The following SLC8A3 variants were observed in gnomAD, a reference collection of about 807,000 sequenced individuals.
The protein encoded by SLC8A3 is solute carrier family 8 member A3.
Under a neutral mutation model 65.4 loss-of-function variants are expected in SLC8A3, and 37 were observed. The ratio of observed to expected loss-of-function variants is 0.57; its 90% confidence interval spans 0.44 to 0.74. SLC8A3 has a LOEUF of 0.74. SLC8A3 is among the 30% of genes least tolerant of loss of function. SLC8A3 has a pLI of 0.00. For missense variants in SLC8A3, 1,112 were observed against 1,172.1 expected (o/e 0.95, Z 0.75); for synonymous variants, 461 against 444.5 (o/e 1.04, Z -0.47).
rs1329675077 is a variant in SLC8A3 at position 70,046,145 on chromosome 14, G to A, written c.2568C>T (p.Ala856=). The A allele has an allele frequency of 6.2e-7, 1 of 1,614,088 alleles. No individual in the cohort carries two copies. Among genetic ancestry groups the A allele is most frequent in the Non-Finnish European group, 8.5e-7 (1 of 1,180,040 alleles). The change falls in exon 7 of 7, where the codon GCC becomes GCT. Residue 856 remains alanine (A), a synonymous_variant. Coordinates refer to ENST00000356921, the MANE Select transcript of SLC8A3 (RefSeq NM_182932.3). This position sits in a 1 kb window ranked among gnomAD's most constrained non-coding sequence, Gnocchi z 4.2. The part of the protein sequence containing the change: ...QEFHVSAGTL[A]FSVTLFTIFA... ...AGATGGTGAAGAGGGTGACGGAGAA[G>A]GCCAGTGTGCCGGCCGACACGTGGA... is the stretch of plus-strand genomic sequence containing the variant.
intron 6 of SLC8A3, 181 bp downstream of exon 6, chr14:70,048,586 A>T: frequency 1.4e-6 from 1 of 693,362 alleles, no homozygotes; most frequent in Non-Finnish European, 2.6e-6. Context: ...GTGCTCAAGA[A>T]ATATTAGCTG....
Position 70,188,613 on chromosome 14 carries a change from TGGGA to T in SLC8A3, c.-301_-298del, listed in dbSNP as rs1370806159. 1.3e-5 allele frequency: 2 copies of T among 152,026 alleles called. No individual in the cohort carries two copies. The highest frequency in any genetic ancestry group is 2.9e-5 in the Non-Finnish European group (2 of 68,028). 9.4% of individuals were successfully genotyped at this position (152,026 alleles called of 1,614,324 possible). On this transcript the variant is annotated 5_prime_UTR_variant, in exon 1 of 7. Coordinates refer to ENST00000356921, the MANE Select transcript of SLC8A3 (RefSeq NM_182932.3). Reference sequence around the variant, plus strand: ...GGCAGCGCATCTGGAGCGCGGGGTCTGGGAGGGAGGGTGTCTGGGGCCAGGGCGA... The same window carrying T: ...GGCAGCGCATCTGGAGCGCGGGGTCTGGGAGGGTGTCTGGGGCCAGGGCGA...
intron 2 of SLC8A3, among the ~76,000 whole-genome samples, chr14:70,156,106 G>C (rs1276314447): frequency 6.6e-6 from 1 of 152,156 alleles, no homozygotes; most frequent in Admixed American, 6.5e-5. Context: ...CTGCGGTGGG[G>C]AGCTGGCTTG....
chr14:70,127,782 G>C (rs1894567520), intron 2 of SLC8A3, among the ~76,000 whole-genome samples: 1 of 152,154 alleles, frequency 6.6e-6, no homozygotes, highest in South Asian at 2.1e-4. Context: ...CTGATGGTTT[G>C]TGCCCAGGTC....
intron 2 of SLC8A3, among the ~76,000 whole-genome samples, chr14:70,115,013 T>A (rs1405211462): frequency 6.6e-6 from 1 of 152,090 alleles, no homozygotes; most frequent in African/African-American, 2.4e-5. Context: ...GACCAATAAT[T>A]CCCTACACAG....
rs1038963401 is a variant in SLC8A3, at chr14:70,109,301, G to GTA, written c.1785-48364_1785-48363dup. On this transcript the variant is annotated intron_variant, in intron 2 of 6. Coordinates refer to ENST00000356921, the MANE Select transcript of SLC8A3 (RefSeq NM_182932.3). ...AGGTTCTTAACCTATATATATATAT[G>GTA]TATATATATACACATTATATATATA... Among the ~76,000 whole-genome samples the GTA allele has an allele frequency of 1.2e-4, 17 of 142,760 alleles. No homozygotes were observed. In the East Asian group the frequency reaches 1.6e-3, roughly 14 times the overall value. 93.7% of individuals were successfully genotyped at this position (142,760 alleles called of 152,430 possible).
intron 2 of SLC8A3, chr14:70,063,983 A>G (rs1889120762): frequency 2.0e-6 from 2 of 997,370 alleles, no homozygotes; most frequent in Non-Finnish European, 1.6e-6. Flanking sequence ...AGGACAAGTC[A>G]GCCAGCAGAC....
intron 2 of SLC8A3, chr14:70,063,710 AG>A (rs772674383): frequency 3.0e-6 from 2 of 655,798 alleles, no homozygotes; most frequent in East Asian, 2.6e-5. Flanking sequence ...GACAAGGGAA[AG>A]GGAACCAGAG....
At chr14:70,131,224 G>GA (rs139215149) in intron 2 of SLC8A3, among the ~76,000 whole-genome samples, 16,192 of 152,270 alleles carry the variant, frequency 0.11, 1,161 homozygotes, top group Non-Finnish European at 0.16. Flanking sequence ...TTGGACTGCA[G>GA]AAGGCCAAGG....
At chr14:70,132,139 T>C (rs1894879513) in intron 2 of SLC8A3, among the ~76,000 whole-genome samples, 1 of 152,194 alleles carries the variant, frequency 6.6e-6, no homozygotes, top group African/African-American at 2.4e-5. Context: ...TGCAATGAAT[T>C]AAAGATGAAA....
chr14:70,149,510 T>A (rs540162538), intron 2 of SLC8A3, among the ~76,000 whole-genome samples: 2 of 152,326 alleles, frequency 1.3e-5, no homozygotes, highest in East Asian at 3.9e-4. Flanking sequence ...GTAATTGTTC[T>A]GTTTAAGCTT....
intron 2 of SLC8A3, among the ~76,000 whole-genome samples, chr14:70,099,715 C>T (rs1892437368): frequency 6.6e-6 from 1 of 152,194 alleles, no homozygotes; most frequent in South Asian, 2.1e-4. Context: ...TCTTGGTTTG[C>T]ACTAAGCATC....
At chr14:70,164,984 T>A (rs1393425182) in intron 2 of SLC8A3, among the ~76,000 whole-genome samples, 1 of 152,216 alleles carries the variant, frequency 6.6e-6, no homozygotes, top group East Asian at 1.9e-4. Flanking sequence ...AACAGAGCTC[T>A]AATAAATCAA....
At chr14:70,068,656 T>C (rs1174544525) in intron 2 of SLC8A3, among the ~76,000 whole-genome samples, 1 of 152,186 alleles carries the variant, frequency 6.6e-6, no homozygotes, top group African/African-American at 2.4e-5. Context: ...AGTGCTGGGA[T>C]TACAGGCATA....
chr14:70,093,626 A>G (rs1213491770), intron 2 of SLC8A3, among the ~76,000 whole-genome samples: 1 of 152,216 alleles, frequency 6.6e-6, no homozygotes, highest in African/African-American at 2.4e-5. Flanking sequence ...AACACATGAC[A>G]TAAGGCAGGG....
intron 2 of SLC8A3, among the ~76,000 whole-genome samples, chr14:70,157,458 C>T (rs911897696): frequency 5.9e-5 from 9 of 151,632 alleles, no homozygotes; most frequent in African/African-American, 1.7e-4. Flanking sequence ...TTGACATGAC[C>T]AGGTTAAAAA....
intron 2 of SLC8A3, among the ~76,000 whole-genome samples, chr14:70,086,526 C>T (rs905891828): frequency 1.3e-5 from 2 of 151,510 alleles, no homozygotes; most frequent in South Asian, 2.1e-4. Flanking sequence ...CTCAGCCTCC[C>T]GAGTAGCTGG....
chr14:70,146,130 G>A (rs8019271), intron 2 of SLC8A3, among the ~76,000 whole-genome samples: 69,537 of 151,998 alleles, frequency 0.46, 16,132 homozygotes, highest in South Asian at 0.7. Flanking sequence ...GAAGGAAAAG[G>A]CATCTTGTTC....
At chr14:70,100,493 A>G (rs1426988058) in intron 2 of SLC8A3, among the ~76,000 whole-genome samples, 1 of 152,210 alleles carries the variant, frequency 6.6e-6, no homozygotes, top group East Asian at 1.9e-4. Flanking sequence ...GCATTTTTGC[A>G]ATAAGAAGGT....
Sources: gnomAD v4.1 joint callset for allele counts (sites outside exome capture counted in the v4.1 genomes callset) on GRCh38, gnomAD v4.1.1 for gene constraint, Gnocchi (gnomAD v3.1) non-coding constraint, MANE v1.5 for transcripts, NCBI Gene and HGNC (gene_info 2026-07-23, HGNC 2026-07-21) for gene names.